KANSL2: variants seen among roughly 807,000 people sequenced by gnomAD.
KANSL2 encodes the protein NSL complex protein NSL2.
In KANSL2, 34 loss-of-function variants were observed where a neutral mutation model predicts 55.6. The observed-to-expected ratio is 0.61, with a 90% CI of 0.46 to 0.81. The LOEUF is 0.81. Among genes scored for constraint, KANSL2 ranks in the 40% least tolerant of loss-of-function variants. The probability of loss-of-function intolerance (pLI) is 0.00; values close to 1 mark genes in which losing one functional copy is unlikely to be tolerated. For synonymous variants in KANSL2, 209 were observed against 214.3 expected, an observed-to-expected ratio of 0.98 and a Z score of 0.22; for missense variants, 502 against 609.9, an observed-to-expected ratio of 0.82 and a Z score of 1.86.
intron 8 of KANSL2, chr12:48,656,605 C>T (rs756696971): frequency 1.0e-5 from 4 of 398,824 alleles, no homozygotes; most frequent in South Asian, 5.4e-5. Context: ...CATAGTTTTG[C>T]TCTGTAAAAA....
At chr12:48,682,139 TA>T (rs1565611371) in intron 1 of KANSL2, 47 bp downstream of exon 1, 2 of 702,472 alleles carry the variant, frequency 2.8e-6, no homozygotes, top group Non-Finnish European at 5.2e-6. Flanking sequence ...AAGAGCGAAA[TA>T]GCAGCCCAAC....
chr12:48,666,219 T>TA (rs1406295352), intron 7 of KANSL2, among the ~76,000 whole-genome samples: 3 of 151,708 alleles, frequency 2.0e-5, no homozygotes, highest in Non-Finnish European at 2.9e-5. Context: ...TCAAAAAAAT[T>TA]AAAAAAAGAA....
chr12:48,654,254 C>T (rs1592094495), intron 9 of KANSL2, 79 bp from the exon 10 acceptor site: 1 of 1,366,054 alleles, frequency 7.3e-7, no homozygotes, highest in African/African-American at 1.4e-5. Context: ...TATCAGTGGC[C>T]ACTTAAACTA....
chr12:48,653,913 G>T lies in KANSL2; in HGVS notation c.*131C>A. ...GTCCTCAAAATTTGGCTTTACGTTT[G>T]ACTATAATACTCAATCCAGAAGAAA... is the stretch of plus-strand genomic sequence containing the variant. On this transcript the variant is annotated 3_prime_UTR_variant, in exon 10 of 10. Coordinates refer to ENST00000420613, the MANE Select transcript of KANSL2 (RefSeq NM_017822.4). 2 of 975,464 alleles carry T rather than the reference G, an allele frequency of 2.1e-6. No homozygotes were observed. Among genetic ancestry groups the T allele is most frequent in the Non-Finnish European group, 2.9e-6 (2 of 699,358 alleles). The allele number at this position is 975,464 out of a possible 1,614,324, so 60.4% of individuals were successfully genotyped here.
chr12:48,668,724 T>C (rs1036720262), intron 6 of KANSL2, among the ~76,000 whole-genome samples: 4 of 152,134 alleles, frequency 2.6e-5, no homozygotes, highest in Non-Finnish European at 4.4e-5. Context: ...CATAGTGTTT[T>C]GACAATTACT....
At position 48,681,646 on chromosome 12, in the gene KANSL2, G is replaced by A. The variant is rs199711246; in HGVS notation, c.-9-5C>T. The A allele has an allele frequency of 6.2e-7, 1 of 1,613,910 alleles. No homozygotes were observed. The highest frequency in any genetic ancestry group is 1.1e-5 in the South Asian group (1 of 91,088). On this transcript the variant is annotated splice_polypyrimidine_tract_variant and splice_region_variant and intron_variant, in intron 1 of 9. Transcript: ENST00000420613. The stretch of plus-strand genomic sequence containing the variant: ...AATCCTGTTCATAACCAAAACCTGC[G>A]GGGTCAAACGAAAGACCAAAAAGCC...
Position 48,669,161 on chromosome 12 carries a change from A to G in KANSL2, c.821T>C (p.Leu274Pro), listed in dbSNP as rs1419369128. The G allele has an allele frequency of 2.6e-6, 4 of 1,551,994 alleles. No homozygotes were observed. The highest frequency in any genetic ancestry group is 2.0e-5 in the Admixed American group (1 of 50,980). Residue 274 changes from leucine (L) to proline (P), a missense_variant, in exon 6 of 10, where the codon CTG (leucine) becomes CCG (proline). Physicochemically the swap from Leu to Pro is moderately conservative, Grantham distance 98. Coordinates refer to ENST00000420613, the MANE Select transcript of KANSL2 (RefSeq NM_017822.4). Reference sequence around the variant, plus strand: ...TCTCCGTTCCTTCAACTGCCTATGCAGTAAGGCTTCCACTCCATAGCGCTG... The same window carrying G: ...TCTCCGTTCCTTCAACTGCCTATGCGGTAAGGCTTCCACTCCATAGCGCTG... ...YRQRYGVEALLHRQLKERRML... is the reference protein window; with the variant it reads ...YRQRYGVEALPHRQLKERRML...
At chr12:48,663,869 G>A (rs537598051) in intron 7 of KANSL2, among the ~76,000 whole-genome samples, 46 of 150,400 alleles carry the variant, frequency 3.1e-4, no homozygotes, top group African/African-American at 9.5e-4. Flanking sequence ...TTGTTCAAAG[G>A]CCAACTGTAT....
chr12:48,671,365 T>C (rs1939710369), intron 5 of KANSL2, among the ~76,000 whole-genome samples: 1 of 152,144 alleles, frequency 6.6e-6, no homozygotes, highest in Non-Finnish European at 1.5e-5. Context: ...TTAGTACAGC[T>C]TAAGTGTACA....
intron 8 of KANSL2, among the ~76,000 whole-genome samples, chr12:48,657,907 G>A (rs551867071): frequency 1.0e-3 from 154 of 151,596 alleles, no homozygotes; most frequent in African/African-American, 3.5e-3. Context: ...GTCAGCCACC[G>A]CACCCGGCCC....
At position 48,660,273 on chromosome 12, in the gene KANSL2, TTCTCC is replaced by T; in HGVS notation, c.1227+88_1227+92del. On this transcript the variant is annotated intron_variant, in intron 8 of 9. Coordinates refer to ENST00000420613, the MANE Select transcript of KANSL2 (RefSeq NM_017822.4). ...TATATCACTTCAAAAACTTTGTCGA[TTCTCC>T]TAACCACAAAGACTAACCTATTCTC... 4.4e-6 allele frequency: 6 copies of T among 1,375,006 alleles called. No individual in the cohort carries two copies. The South Asian group carries it at 8.2e-5, about 19-fold the overall frequency. The allele number at this position is 1,375,006 out of a possible 1,614,324, so 85.2% of individuals were successfully genotyped here. A position where few individuals can be genotyped will look rare whatever the true frequency, so the allele number is the denominator to read the frequency against.
intron 2 of KANSL2, among the ~76,000 whole-genome samples, chr12:48,680,972 G>GC (rs71453824): frequency 0.049 from 7,258 of 148,132 alleles, 580 homozygotes; most frequent in African/African-American, 0.17. Context: ...TCTGTGCGCC[G>GC]CCCCCCCGCC....
At chr12:48,657,744 G>A (rs1301141736) in intron 8 of KANSL2, among the ~76,000 whole-genome samples, 1 of 152,014 alleles carries the variant, frequency 6.6e-6, no homozygotes, top group Non-Finnish European at 1.5e-5. Flanking sequence ...AGCCTCCCCA[G>A]TAGCTGGGAT....
At chr12:48,675,368 T>C (rs553307378) in intron 4 of KANSL2, among the ~76,000 whole-genome samples, 4 of 152,190 alleles carry the variant, frequency 2.6e-5, no homozygotes, top group African/African-American at 9.6e-5. Flanking sequence ...ATCGTGCCAC[T>C]GCGCTCCAGC....
intron 8 of KANSL2, chr12:48,656,822 A>T (rs773652270): frequency 4.2e-6 from 2 of 471,356 alleles, no homozygotes; most frequent in Non-Finnish European, 8.3e-6. Context: ...ACTAACTTTC[A>T]TGCCACTGCT....
At chr12:48,656,221 A>G (rs1011173846) in intron 8 of KANSL2, among the ~76,000 whole-genome samples, 3 of 151,494 alleles carry the variant, frequency 2.0e-5, no homozygotes, top group African/African-American at 7.3e-5. Context: ...GCTAGGAAAT[A>G]TTATTTTGGT....
intron 5 of KANSL2, 105 bp downstream of exon 5, chr12:48,671,694 T>C: frequency 8.2e-7 from 1 of 1,222,940 alleles, no homozygotes; most frequent in Admixed American, 2.3e-5. Flanking sequence ...ATGACAAAAA[T>C]CACCTAACAA....
chr12:48,675,996 A>T (rs1939814054), intron 4 of KANSL2, among the ~76,000 whole-genome samples: 1 of 152,206 alleles, frequency 6.6e-6, no homozygotes, highest in Admixed American at 6.5e-5. Flanking sequence ...CAAGTTATAG[A>T]TGTTTATAGA....
chr12:48,664,441 G>A (rs183396702), intron 7 of KANSL2, among the ~76,000 whole-genome samples: 12 of 151,594 alleles, frequency 7.9e-5, no homozygotes, highest in East Asian at 1.9e-4. Flanking sequence ...CACCGCACCC[G>A]GCTAATTTTT....
Sources: gnomAD v4.1 joint callset for allele counts (sites outside exome capture counted in the v4.1 genomes callset) on GRCh38, gnomAD v4.1.1 for gene constraint, MANE v1.5 for transcripts, NCBI Gene and HGNC (gene_info 2026-07-23, HGNC 2026-07-21) for gene names.